ADGRG7: variants seen among roughly 807,000 people sequenced by gnomAD.
ADGRG7 encodes the protein adhesion G protein-coupled receptor G7.
A neutral mutation model predicts 88.6 loss-of-function variants in ADGRG7; 82 were observed. The ratio of observed to expected loss-of-function variants is 0.93; its 90% CI spans 0.77 to 1.11. ADGRG7 has a LOEUF of 1.11. ADGRG7 is among the 50% of genes most tolerant of loss of function. The pLI is 0.00. For synonymous variants in ADGRG7, 381 were observed against 345.2 expected, an observed-to-expected ratio of 1.10 and a Z score of -1.15; for missense variants, 945 against 953.4, an observed-to-expected ratio of 0.99 and a Z score of 0.12.
Position 100,609,663 on chromosome 3 carries a change from A to G in ADGRG7, c.-194A>G, listed in dbSNP as rs1576307974. 4.1e-6 allele frequency: 2 copies of G among 487,130 alleles called. No homozygotes were observed. The highest frequency in any genetic ancestry group is 7.8e-5 in the East Asian group (2 of 25,614). 30.2% of individuals were successfully genotyped at this position (487,130 alleles called of 1,614,324 possible). A position where few individuals can be genotyped will look rare whatever the true frequency, so the allele number is the denominator to read the frequency against. On this transcript the variant is annotated 5_prime_UTR_variant, in exon 1 of 16. Transcript: ENST00000273352. ...ATTGAAAGCAGAGTATGCACCTTTT[A>G]TTAGGAGATTCAAACTGCATCCTAC...
chr3:100,676,856 A>T (rs2094966088), intron 15 of ADGRG7, among the ~76,000 whole-genome samples: 1 of 151,716 alleles, frequency 6.6e-6, no homozygotes. Context: ...TTGTATAGTG[A>T]CCTTTTTCCT....
At chr3:100,629,267 CTCTATCTA>C (rs58092447) in intron 1 of ADGRG7, among the ~76,000 whole-genome samples, 29,849 of 148,854 alleles carry the variant, frequency 0.2, 3,441 homozygotes, top group Non-Finnish European at 0.26. Flanking sequence ...TCCATGTTGA[CTCTATCTA>C]TCTATCTATC....
chr3:100,694,968 C>G lies in ADGRG7; in HGVS notation c.2361C>G (p.Leu787=). 2 of 1,614,196 alleles carry G rather than the reference C, an allele frequency of 1.2e-6. No homozygotes were observed. The highest frequency in any genetic ancestry group is 1.7e-6 in the Non-Finnish European group (2 of 1,180,020). The stretch of plus-strand genomic sequence containing the variant: ...CTCCGAGTACTGAGGAAATCACACT[C>G]TCTGAAAGTGACAATGCAAAGGAAA... ...ETSPSTEEIT[L]SESDNAKESI The change falls in exon 16 of 16, where the codon CTC becomes CTG. Residue 787 remains leucine (L), a synonymous_variant. Coordinates refer to ENST00000273352, the MANE Select transcript of ADGRG7 (RefSeq NM_032787.3).
rs955813075 is a variant in ADGRG7 at position 100,618,366 on chromosome 3, T to C, written c.115+8395T>C. Among the ~76,000 whole-genome samples the C allele has an allele frequency of 9.2e-5, 14 of 152,250 alleles. No individual in the cohort carries two copies. The East Asian group carries it at 2.7e-3, about 29-fold the overall frequency. ...TGGTTTTAGGTCTAACATTTAAGTA[T>C]TTAATCCATCTTGAATTAATTTTTG... is the stretch of plus-strand genomic sequence containing the variant. On this transcript the variant is annotated intron_variant, in intron 1 of 15. Transcript: ENST00000273352.
intron 6 of ADGRG7, among the ~76,000 whole-genome samples, chr3:100,639,913 G>A (rs867261758): frequency 1.3e-5 from 2 of 152,228 alleles, no homozygotes. Context: ...ATAAGATACA[G>A]TGAACCTTAA....
At chr3:100,630,638 A>G in intron 2 of ADGRG7, 67 bp from the exon 3 acceptor site, 1 of 703,770 alleles carries the variant, frequency 1.4e-6, no homozygotes, top group Non-Finnish European at 2.0e-6. Flanking sequence ...CTGACCTTTG[A>G]CTTTTATCTG....
Position 100,655,029 on chromosome 3 carries a change from T to G in ADGRG7, c.1574T>G (p.Met525Arg), listed in dbSNP as rs778074294. 1 of 1,614,160 alleles carries G rather than the reference T, an allele frequency of 6.2e-7. No homozygotes were observed. ...RTDTINIPNPMCTAIAALLHY... is the reference protein window; with the variant it reads ...RTDTINIPNPRCTAIAALLHY... ...GACACCATTAACATCCCGAATCCCA[T>G]GTGCACTGCGATTGCCGCCTTACTG... The change falls in exon 12 of 16, where the codon ATG becomes AGG. Residue 525 changes from methionine to arginine, a missense_variant. Coordinates refer to ENST00000273352, the MANE Select transcript of ADGRG7 (RefSeq NM_032787.3).
Position 100,677,115 on chromosome 3 carries a change from A to G in ADGRG7, c.2136+8010A>G, listed in dbSNP as rs9653902. ...ATTGTGTTATTATTGATACGTAATG[A>G]CTTACTTCTGCCATTTTGTTACTTG... On this transcript the variant is annotated intron_variant, in intron 15 of 15. Coordinates refer to ENST00000273352, the MANE Select transcript of ADGRG7 (RefSeq NM_032787.3). Among the ~76,000 whole-genome samples the G allele has an allele frequency of 6.7e-3, 1,015 of 152,026 alleles. 11 individuals carry two copies. Among genetic ancestry groups the G allele is most frequent in the African/African-American group, 0.022 (920 of 41,490 alleles).
At chr3:100,659,276 A>C (rs577559922) in intron 13 of ADGRG7, among the ~76,000 whole-genome samples, 82 of 151,612 alleles carry the variant, frequency 5.4e-4, no homozygotes, top group African/African-American at 1.8e-3. Flanking sequence ...ACTAAAAAAA[A>C]AAAATACAAA....
In ADGRG7 at chr3:100,615,729, A is replaced by T. The variant is rs555939338; in HGVS notation, c.115+5758A>T. On this transcript the variant is annotated intron_variant, in intron 1 of 15. Coordinates refer to ENST00000273352, the MANE Select transcript of ADGRG7 (RefSeq NM_032787.3). ...AATATGAGAATAATTCAAATATGCAAGCAGGCTTTCTTTCTTGAGGAAAAA... is the reference window on the plus strand; with the variant it reads ...AATATGAGAATAATTCAAATATGCATGCAGGCTTTCTTTCTTGAGGAAAAA... Among the ~76,000 whole-genome samples the T allele has an allele frequency of 2.0e-5, 3 of 152,340 alleles. No homozygotes were observed. The South Asian group carries it at 6.2e-4, about 32-fold the overall frequency.
intron 1 of ADGRG7, among the ~76,000 whole-genome samples, chr3:100,617,226 C>CT (rs1464018549): frequency 4.6e-5 from 7 of 151,616 alleles, no homozygotes; most frequent in Non-Finnish European, 7.4e-5. Flanking sequence ...TTTTCTTTTT[C>CT]TTTTTTATTG....
At chr3:100,691,604 T>A (rs1039042645) in intron 15 of ADGRG7, among the ~76,000 whole-genome samples, 1 of 151,826 alleles carries the variant, frequency 6.6e-6, no homozygotes, top group Non-Finnish European at 1.5e-5. Flanking sequence ...AGAATTCCCA[T>A]GTACACTTTA....
Position 100,637,171 on chromosome 3 carries a change from T to A in ADGRG7, c.598-131T>A, listed in dbSNP as rs943147044. 10 of 622,810 alleles carry A rather than the reference T, an allele frequency of 1.6e-5. No homozygotes were observed. In the South Asian group the frequency reaches 2.0e-4, roughly 13 times the overall value. 38.6% of individuals were successfully genotyped at this position (622,810 alleles called of 1,614,324 possible). A position where few individuals can be genotyped will look rare whatever the true frequency, so the allele number is the denominator to read the frequency against. ...GGATCAAAGAATAAACCTTTAATTT[T>A]GTAAAATGCTTCCCTCTACATTATC... is the stretch of plus-strand genomic sequence containing the variant. On this transcript the variant is annotated intron_variant, in intron 5 of 15. Transcript: ENST00000273352.
intron 1 of ADGRG7, among the ~76,000 whole-genome samples, chr3:100,611,480 T>C (rs1299742763): frequency 6.6e-6 from 1 of 151,874 alleles, no homozygotes; most frequent in African/African-American, 2.4e-5. Context: ...GAGTGCAGGA[T>C]GGGGGACAGA....
In ADGRG7 at chr3:100,629,573, A is replaced by G. The variant is rs764519748; in HGVS notation, c.116-25A>G. 6 of 1,524,634 alleles carry G rather than the reference A, an allele frequency of 3.9e-6. No homozygotes were observed. The African/African-American group carries it at 8.2e-5, about 21-fold the overall frequency. The allele number at this position is 1,524,634 out of a possible 1,614,324, so 94.4% of individuals were successfully genotyped here. A position where few individuals can be genotyped will look rare whatever the true frequency, so the allele number is the denominator to read the frequency against. On this transcript the variant is annotated intron_variant, in intron 1 of 15. Coordinates refer to ENST00000273352, the MANE Select transcript of ADGRG7 (RefSeq NM_032787.3). ...GAAATGAATCAGCCAGTTCATGACT[A>G]TTCTGTTATTTATTGTTTCTTTAGG...
chr3:100,692,260 C>T (rs1375679263), intron 15 of ADGRG7, among the ~76,000 whole-genome samples: 1 of 152,124 alleles, frequency 6.6e-6, no homozygotes, highest in Non-Finnish European at 1.5e-5. Flanking sequence ...GGATTAATTC[C>T]CTTAGATAAT....
At chr3:100,611,326 TCCTC>T (rs1576308774) in intron 1 of ADGRG7, among the ~76,000 whole-genome samples, 1 of 151,250 alleles carries the variant, frequency 6.6e-6, no homozygotes, top group Non-Finnish European at 1.5e-5. Context: ...CTTCCTTCCT[TCCTC>T]CCTTCCTTCC....
intron 15 of ADGRG7, among the ~76,000 whole-genome samples, chr3:100,676,457 G>A (rs1422020097): frequency 6.6e-6 from 1 of 152,068 alleles, no homozygotes; most frequent in East Asian, 1.9e-4. Context: ...GTTGTGGTCA[G>A]AGAAGATACT....
At chr3:100,669,850 A>C (rs1247480302) in intron 15 of ADGRG7, among the ~76,000 whole-genome samples, 3 of 152,128 alleles carry the variant, frequency 2.0e-5, no homozygotes, top group African/African-American at 7.2e-5. Context: ...AGTCTAGCCA[A>C]CATGGTGAAA....
Sources: allele counts gnomAD v4.1 joint callset (sites outside exome capture counted in the v4.1 genomes callset), GRCh38; gene constraint gnomAD v4.1.1; transcripts MANE v1.5; gene names NCBI Gene and HGNC (gene_info 2026-07-23, HGNC 2026-07-21).